Variants in KCNG2 observed in about 807,000 individuals in gnomAD.
The protein encoded by KCNG2 is voltage-gated potassium channel regulatory subunit KCNG2.
A neutral mutation model predicts 12.3 loss-of-function variants in KCNG2; 7 were observed. The ratio of observed to expected loss-of-function variants is 0.57; its 90% CI spans 0.32 to 1.07. The LOEUF (loss-of-function observed/expected upper bound fraction) is 1.07. Ranked by LOEUF, KCNG2 falls within the 50% of genes least tolerant of loss-of-function variation. KCNG2 has a pLI of 0.04. For missense variants in KCNG2, 703 were observed against 726.0 expected (o/e 0.97, Z 0.36); for synonymous variants, 414 against 351.4 (o/e 1.18, Z -1.99).
At chr18:79,815,601 T>G (rs539014861) in intron 1 of KCNG2, among the ~76,000 whole-genome samples, 1 of 152,192 alleles carries the variant, frequency 6.6e-6, no homozygotes, top group Non-Finnish European at 1.5e-5. Context: ...GTGACCTCGC[T>G]CTAGAGCCCT....
At chr18:79,848,810 G>A (rs930364942) in intron 1 of KCNG2, among the ~76,000 whole-genome samples, 1 of 152,178 alleles carries the variant, frequency 6.6e-6, no homozygotes, top group Admixed American at 6.5e-5. Context: ...GGCATTCCCG[G>A]TGAAGCCAGA....
chr18:79,858,501 G>A (rs1183908966), intron 2 of KCNG2, among the ~76,000 whole-genome samples: 1 of 152,188 alleles, frequency 6.6e-6, no homozygotes, highest in Non-Finnish European at 1.5e-5. Context: ...TCAGTTTTTG[G>A]CTATTCTAGT....
intron 1 of KCNG2, among the ~76,000 whole-genome samples, chr18:79,850,104 C>T (rs1978767265): frequency 6.6e-6 from 1 of 152,256 alleles, no homozygotes; most frequent in Non-Finnish European, 1.5e-5. Flanking sequence ...CACACACGTG[C>T]ACACATACGT....
intron 1 of KCNG2, among the ~76,000 whole-genome samples, chr18:79,845,567 A>G (rs1293260107): frequency 6.6e-6 from 1 of 152,188 alleles, no homozygotes; most frequent in Non-Finnish European, 1.5e-5. Context: ...TAATTACCAA[A>G]TTTCTATGTG....
chr18:79,873,008 T>C (rs1449043426), intron 3 of KCNG2, among the ~76,000 whole-genome samples: 2 of 152,094 alleles, frequency 1.3e-5, no homozygotes, highest in East Asian at 3.9e-4. Context: ...GAGTGGTCAG[T>C]GTGCAGAAAT....
chr18:79,884,311 C>T lies in KCNG2; in HGVS notation c.625-14729C>T, dbSNP rs923795764. Among the ~76,000 whole-genome samples the T allele has an allele frequency of 3.3e-5, 5 of 152,018 alleles. No homozygotes were observed. Among genetic ancestry groups the T allele is most frequent in the South Asian group, 4.2e-4 (2 of 4,818 alleles). ...CCAAGAGAATTCGCCCCATCTAGGT[C>T]CCACCTAATGACACACACTCCCGTT... On this transcript the variant is annotated intron_variant, in intron 3 of 3. Coordinates refer to ENST00000316249, the MANE Select transcript of KCNG2 (RefSeq NM_012283.2). This position sits in a 1 kb window ranked among gnomAD's most constrained non-coding sequence, Gnocchi z 5.5.
At chr18:79,876,503 G>A (rs559895883) in intron 3 of KCNG2, among the ~76,000 whole-genome samples, 3 of 152,356 alleles carry the variant, frequency 2.0e-5, no homozygotes, top group Non-Finnish European at 4.4e-5. Flanking sequence ...GGCTGCAGGT[G>A]CTGAGCCGTT....
intron 1 of KCNG2, among the ~76,000 whole-genome samples, chr18:79,849,975 G>A (rs564854796): frequency 6.6e-6 from 1 of 152,296 alleles, no homozygotes; most frequent in Admixed American, 6.5e-5. Context: ...CCACCTGGCC[G>A]TAGGAGGAGT....
intron 1 of KCNG2, among the ~76,000 whole-genome samples, chr18:79,798,447 G>T (rs1459777117): frequency 1.3e-5 from 2 of 152,166 alleles, no homozygotes; most frequent in East Asian, 3.9e-4. Flanking sequence ...CTCTCCCGGC[G>T]CCCGCCCCGG....
chr18:79,847,859 C>T (rs1291064224), intron 1 of KCNG2, among the ~76,000 whole-genome samples: 1 of 152,204 alleles, frequency 6.6e-6, no homozygotes, highest in East Asian at 1.9e-4. Flanking sequence ...TGACACAATG[C>T]CCGAGGCACT....
intron 3 of KCNG2, among the ~76,000 whole-genome samples, chr18:79,876,926 G>A (rs1337602188): frequency 3.3e-5 from 5 of 152,232 alleles, no homozygotes; most frequent in East Asian, 1.9e-4. Flanking sequence ...ACAGAATGCC[G>A]AGGGGAAGCT....
chr18:79,887,760 C>T (rs1014165353), intron 3 of KCNG2, among the ~76,000 whole-genome samples: 3 of 152,318 alleles, frequency 2.0e-5, no homozygotes, highest in African/African-American at 7.2e-5. Context: ...GGGGCTCCCT[C>T]GGGCACAGAT....
intron 1 of KCNG2, among the ~76,000 whole-genome samples, chr18:79,830,816 CA>C: frequency 7.4e-6 from 1 of 135,652 alleles, no homozygotes; most frequent in African/African-American, 2.7e-5. Context: ...GGGTTCCCTG[CA>C]TACAGAGCCT....
chr18:79,824,675 G>A (rs1179934942), intron 1 of KCNG2, among the ~76,000 whole-genome samples: 1 of 152,114 alleles, frequency 6.6e-6, no homozygotes, highest in African/African-American at 2.4e-5. Flanking sequence ...ACCCATCAAC[G>A]CCCTGAGTAT....
rs1263860249 is a variant in KCNG2, at chr18:79,899,777, C to T, written c.1362C>T (p.Asp454=). Residue 454 remains aspartate (D), a synonymous_variant, in exon 4 of 4, where the codon GAC becomes GAT. Coordinates refer to ENST00000316249, the MANE Select transcript of KCNG2 (RefSeq NM_012283.2). ...GCCCCGACAGCGCGGGCCTGGCCGA[C>T]GACTCCGCGGATGCGCTGTGGGTGC... The part of the protein sequence containing the change: ...SQGPDSAGLA[D]DSADALWVRA... 7 of 1,485,268 alleles carry T rather than the reference C, an allele frequency of 4.7e-6. No homozygotes were observed. Among genetic ancestry groups the T allele is most frequent in the African/African-American group, 2.9e-5 (2 of 68,542 alleles). The allele number at this position is 1,485,268 out of a possible 1,614,324, so 92.0% of individuals were successfully genotyped here. A position where few individuals can be genotyped will look rare whatever the true frequency, so the allele number is the denominator to read the frequency against.
At chr18:79,806,299 G>T (rs576515257) in intron 1 of KCNG2, among the ~76,000 whole-genome samples, 1 of 151,936 alleles carries the variant, frequency 6.6e-6, no homozygotes, top group Non-Finnish European at 1.5e-5. Context: ...AGGCCGCTGT[G>T]TCGGGGGTCG....
intron 1 of KCNG2, among the ~76,000 whole-genome samples, chr18:79,844,632 A>T (rs909464414): frequency 1.3e-5 from 2 of 152,256 alleles, no homozygotes; most frequent in African/African-American, 4.8e-5. Flanking sequence ...CAATGCATTC[A>T]TATATCAAAA....
At chr18:79,809,437 G>A (rs2087475021) in intron 1 of KCNG2, among the ~76,000 whole-genome samples, 1 of 147,358 alleles carries the variant, frequency 6.8e-6, no homozygotes, top group South Asian at 2.2e-4. Context: ...CGGTCCCAGA[G>A]TCCTCGCCCT....
At chr18:79,867,466 G>A (rs1301714605) in intron 3 of KCNG2, among the ~76,000 whole-genome samples, 4 of 107,258 alleles carry the variant, frequency 3.7e-5, no homozygotes, top group South Asian at 4.1e-4. Context: ...GGGGGGGACC[G>A]TGAGCCCGGC....
Sources: allele counts gnomAD v4.1 joint callset (sites outside exome capture counted in the v4.1 genomes callset), GRCh38; gene constraint gnomAD v4.1.1; non-coding constraint Gnocchi (gnomAD v3.1); transcripts MANE v1.5; gene names NCBI Gene and HGNC (gene_info 2026-07-23, HGNC 2026-07-21).